MSI2: variants seen among roughly 807,000 people sequenced by gnomAD.
The protein encoded by MSI2 is RNA-binding protein Musashi homolog 2.
MSI2 carries 17 observed loss-of-function variants against 45.6 expected under a neutral mutation model. The observed-to-expected ratio is 0.37, with a 90% CI of 0.26 to 0.56. MSI2 has a LOEUF of 0.56. Ranked by LOEUF, MSI2 falls within the 20% of genes least tolerant of loss-of-function variation. MSI2 has a pLI of 0.77. For missense variants in MSI2, 293 were observed against 444.2 expected (o/e 0.66, Z 3.06); for synonymous variants, 156 against 158.2 (o/e 0.99, Z 0.11).
chr17:57,289,797 G>A (rs183674863), intron 5 of MSI2, among the ~76,000 whole-genome samples: 4 of 152,340 alleles, frequency 2.6e-5, no homozygotes, highest in South Asian at 2.1e-4. Context: ...AGTGCTGCCC[G>A]GCAGCCCGGT....
chr17:57,522,047 GGGAGAGAGGT>G, intron 6 of MSI2, among the ~76,000 whole-genome samples: 1 of 152,354 alleles, frequency 6.6e-6, no homozygotes, highest in East Asian at 1.9e-4. Flanking sequence ...TAAGCTGGCA[GGGAGAGAGGT>G]GGAGACAGTG....
rs531861760 is a variant in MSI2 at position 57,468,572 on chromosome 17, A to G, written c.406-61104A>G. ...GGCTGGCACATTGTACTCAAACGCA[A>G]TACATGTAGCATTTATTGTTGTTAC... On this transcript the variant is annotated intron_variant, in intron 6 of 13. Coordinates refer to ENST00000284073, the MANE Select transcript of MSI2 (RefSeq NM_138962.4). Among the ~76,000 whole-genome samples, 45 of 151,670 alleles carry G rather than the reference A, an allele frequency of 3.0e-4. No homozygotes were observed. The Middle Eastern group carries it at 0.021, about 71-fold the overall frequency.
At chr17:57,695,145 A>G in the MSI2 span, among the ~76,000 whole-genome samples, 1 of 152,230 alleles carries the variant, frequency 6.6e-6, no homozygotes. Flanking sequence ...GAAAAGTAAC[A>G]TGAGAAAGTT....
intron 10 of MSI2, among the ~76,000 whole-genome samples, chr17:57,648,859 C>T (rs1348723255): frequency 6.6e-6 from 1 of 152,182 alleles, no homozygotes; most frequent in African/African-American, 2.4e-5. Context: ...ATGACCCCGG[C>T]CTCCTCAGGG....
At chr17:57,412,318 G>A (rs192614827) in intron 6 of MSI2, among the ~76,000 whole-genome samples, 278 of 152,250 alleles carry the variant, frequency 1.8e-3, no homozygotes, top group Non-Finnish European at 3.2e-3. Flanking sequence ...GATTACAGGT[G>A]TGAGCTACCG....
At chr17:57,579,308 G>A (rs2088136769) in intron 7 of MSI2, among the ~76,000 whole-genome samples, 1 of 152,238 alleles carries the variant, frequency 6.6e-6, no homozygotes, top group African/African-American at 2.4e-5. Flanking sequence ...TGATTTTCAA[G>A]TTGGGGAAAG....
At chr17:57,367,571 C>CTTT (rs1241437733) in intron 5 of MSI2, among the ~76,000 whole-genome samples, 1 of 152,180 alleles carries the variant, frequency 6.6e-6, no homozygotes, top group Admixed American at 6.5e-5. Context: ...CTGCCTCAGG[C>CTTT]TTTTCCTGTA....
At position 57,529,676 on chromosome 17, in the gene MSI2, G is replaced by T; in HGVS notation, c.406G>T (p.Val136Leu). Residue 136 changes from valine to leucine, a missense_variant and splice_region_variant, in exon 7 of 14, where the codon GTG (valine) becomes TTG (leucine). Physicochemically the swap from Val to Leu is conservative, Grantham distance 32. Transcript: ENST00000284073. The surrounding 1 kb of genome is among the most constrained non-coding windows in gnomAD (Gnocchi z 5.3). ...CCTGTATTCTATATTTGTTTTGCAG[G>T]TGGAAGATGCAATGCTGATGTTTGA... ...VKQYFEQFGK[V>L]EDAMLMFDKT... 6.2e-7 allele frequency: 1 copy of T among 1,612,528 alleles called. No homozygotes were observed.
intron 5 of MSI2, among the ~76,000 whole-genome samples, chr17:57,345,991 G>C (rs1433225644): frequency 6.6e-6 from 1 of 152,020 alleles, no homozygotes; most frequent in Non-Finnish European, 1.5e-5. Flanking sequence ...TCAATAGGTA[G>C]GTAGCGGTTG....
At chr17:57,336,516 A>G (rs1228036464) in intron 5 of MSI2, among the ~76,000 whole-genome samples, 1 of 152,234 alleles carries the variant, frequency 6.6e-6, no homozygotes, top group African/African-American at 2.4e-5. Flanking sequence ...TCTTTAAACC[A>G]AAACTGCATT....
At chr17:57,615,839 C>G in intron 8 of MSI2, 131 bp from the exon 9 acceptor site, 1 of 661,174 alleles carries the variant, frequency 1.5e-6, no homozygotes, top group Non-Finnish European at 2.6e-6. Flanking sequence ...GCCATTTACT[C>G]GGCATGGCTA....
Position 57,529,736 on chromosome 17 carries a change from C to G in MSI2, c.454+12C>G. ...CAACAGGCACAGAGGTAAGATTACC[C>G]CAGTGTAAGAGGGTTGCGTTCACCC... is the stretch of plus-strand genomic sequence containing the variant. On this transcript the variant is annotated intron_variant, in intron 7 of 13. Transcript: ENST00000284073. This position sits in a 1 kb window ranked among gnomAD's most constrained non-coding sequence, Gnocchi z 5.3. 1 of 1,611,238 alleles carries G rather than the reference C, an allele frequency of 6.2e-7. No individual in the cohort carries two copies. Among genetic ancestry groups the G allele is most frequent in the Non-Finnish European group, 8.5e-7 (1 of 1,178,734 alleles).
chr17:57,484,875 A>T (rs1195121891), intron 6 of MSI2, among the ~76,000 whole-genome samples: 1 of 151,566 alleles, frequency 6.6e-6, no homozygotes, highest in African/African-American at 2.4e-5. Context: ...TTCCACTGCC[A>T]CCTGCTCCAT....
intron 5 of MSI2, among the ~76,000 whole-genome samples, chr17:57,338,864 G>A (rs1455244216): frequency 6.6e-6 from 1 of 152,142 alleles, no homozygotes; most frequent in Non-Finnish European, 1.5e-5. Flanking sequence ...CCACCCCTGA[G>A]TTCCCCTTTG....
intron 5 of MSI2, among the ~76,000 whole-genome samples, chr17:57,382,830 C>T (rs1462942450): frequency 6.6e-6 from 1 of 152,186 alleles, no homozygotes; most frequent in Non-Finnish European, 1.5e-5. Context: ...TTTGAGAAAG[C>T]AAAAGTCTAA....
At chr17:57,645,629 A>G (rs1412312652) in intron 10 of MSI2, among the ~76,000 whole-genome samples, 1 of 150,356 alleles carries the variant, frequency 6.7e-6, no homozygotes, top group Non-Finnish European at 1.5e-5. Context: ...TTTAGTAGAG[A>G]CAGGGTTTCA....
intron 5 of MSI2, among the ~76,000 whole-genome samples, chr17:57,382,001 C>T (rs907814266): frequency 1.3e-5 from 2 of 152,132 alleles, no homozygotes; most frequent in African/African-American, 2.4e-5. Flanking sequence ...TTAAACCTAA[C>T]GGGTAAATAC....
downstream of MSI2, among the ~76,000 whole-genome samples, chr17:57,687,028 A>G (rs563002805): frequency 3.5e-3 from 485 of 140,274 alleles, 2 homozygotes; most frequent in African/African-American, 0.011. Context: ...AAAATTTTAG[A>G]AACAAATAAT....
chr17:57,617,711 T>A (rs1242713696), intron 9 of MSI2, among the ~76,000 whole-genome samples: 1 of 152,066 alleles, frequency 6.6e-6, no homozygotes, highest in Non-Finnish European at 1.5e-5. Context: ...AGCAGGAGGA[T>A]CACTTGAGGC....
Sources: gnomAD v4.1 joint callset for allele counts (sites outside exome capture counted in the v4.1 genomes callset) on GRCh38, gnomAD v4.1.1 for gene constraint, Gnocchi (gnomAD v3.1) non-coding constraint, MANE v1.5 for transcripts, NCBI Gene and HGNC (gene_info 2026-07-23, HGNC 2026-07-21) for gene names.